PDCD1LG2: variants seen among roughly 807,000 people sequenced by gnomAD.
PDCD1LG2 encodes programmed cell death 1 ligand 2.
Under a neutral mutation model 28.2 loss-of-function variants are expected in PDCD1LG2, and 32 were observed. The observed-to-expected ratio is 1.13, with a 90% confidence interval of 0.86 to 1.52. The LOEUF is 1.52. Among genes scored for constraint, PDCD1LG2 ranks in the 40% most tolerant of loss-of-function variants. The probability of loss-of-function intolerance (pLI) is 0.00; values close to 1 mark genes in which losing one functional copy is unlikely to be tolerated. For missense variants in PDCD1LG2, 385 were observed against 323.8 expected (o/e 1.19, Z -1.45); for synonymous variants, 116 against 120.2 (o/e 0.97, Z 0.23).
chr9:5,556,605 G>A (rs1816447230), intron 4 of PDCD1LG2, among the ~76,000 whole-genome samples: 1 of 152,156 alleles, frequency 6.6e-6, no homozygotes, highest in Non-Finnish European at 1.5e-5. Flanking sequence ...AACAATCCGT[G>A]GTTCTCAGAT....
At chr9:5,521,032 C>T (rs940292198) in intron 1 of PDCD1LG2, among the ~76,000 whole-genome samples, 2 of 152,050 alleles carry the variant, frequency 1.3e-5, no homozygotes, top group Non-Finnish European at 2.9e-5. Flanking sequence ...TATTTAGTCA[C>T]AAAAAGGAAC....
At chr9:5,538,508 A>G (rs1354395430) in intron 3 of PDCD1LG2, among the ~76,000 whole-genome samples, 1 of 151,254 alleles carries the variant, frequency 6.6e-6, no homozygotes, top group Non-Finnish European at 1.5e-5. Context: ...ACATGGTGAA[A>G]CCCTGTCTCT....
intron 6 of PDCD1LG2, among the ~76,000 whole-genome samples, chr9:5,564,169 T>C (rs548299327): frequency 2.6e-5 from 4 of 152,220 alleles, no homozygotes; most frequent in East Asian, 3.8e-4. Flanking sequence ...TATTTGGTCA[T>C]TGGAGTTGTC....
At position 5,534,858 on chromosome 9, in the gene PDCD1LG2, G is replaced by C. The variant is rs752625312; in HGVS notation, c.169G>C (p.Ala57Pro). ...TCATGTGAACCTTGGAGCAATAACA[G>C]CCAGTTTGCAAAAGGTGGAAAATGA... ...GSHVNLGAIT[A>P]SLQKVENDTS... Residue 57 changes from alanine (A) to proline (P), a missense_variant, in exon 3 of 7, where the codon GCC becomes CCC. Physicochemically the swap from Ala to Pro is conservative, Grantham distance 27. Coordinates refer to ENST00000397747, the MANE Select transcript of PDCD1LG2 (RefSeq NM_025239.4). 1.8e-5 allele frequency: 29 copies of C among 1,614,054 alleles called. No homozygotes were observed. The highest frequency in any genetic ancestry group is 2.4e-5 in the Non-Finnish European group (28 of 1,180,042).
intron 1 of PDCD1LG2, among the ~76,000 whole-genome samples, chr9:5,517,176 T>A (rs1820183006): frequency 1.3e-5 from 2 of 152,178 alleles, no homozygotes. Flanking sequence ...TAAGGATTGT[T>A]GGGAATGCTG....
At chr9:5,532,908 T>C (rs2129782292) in intron 2 of PDCD1LG2, among the ~76,000 whole-genome samples, 1 of 152,184 alleles carries the variant, frequency 6.6e-6, no homozygotes, top group African/African-American at 2.4e-5. Context: ...TACTGAGAGG[T>C]AGAGTTCAAC....
At chr9:5,541,205 A>T (rs1449860382) in intron 3 of PDCD1LG2, among the ~76,000 whole-genome samples, 2 of 152,234 alleles carry the variant, frequency 1.3e-5, no homozygotes, top group East Asian at 3.8e-4. Context: ...CACAGAAGGA[A>T]CATATCTTAA....
chr9:5,563,455 C>T (rs1444310095), intron 6 of PDCD1LG2, among the ~76,000 whole-genome samples: 1 of 152,146 alleles, frequency 6.6e-6, no homozygotes, highest in Non-Finnish European at 1.5e-5. Flanking sequence ...TCTGGTCTCA[C>T]ATAGTTAGAA....
rs1156968584 is a variant in PDCD1LG2 at position 5,555,495 on chromosome 9, T to C, written c.632-2123T>C. 1.2e-4 allele frequency among the ~76,000 whole-genome samples: 19 copies of C among 152,154 alleles called. 1 individual carries two copies. The highest frequency in any genetic ancestry group is 1.2e-3 in the Admixed American group (19 of 15,272). On this transcript the variant is annotated intron_variant, in intron 4 of 6. Transcript: ENST00000397747. ...AATTTTAAAACAACTTAGAGGAATA[T>C]GTATGAGGATACAGGCTAAGCTACC... is the stretch of plus-strand genomic sequence containing the variant.
chr9:5,538,371 C>CTA (rs1022620339), intron 3 of PDCD1LG2, among the ~76,000 whole-genome samples: 32 of 151,162 alleles, frequency 2.1e-4, no homozygotes, highest in East Asian at 1.2e-3. Flanking sequence ...CTATATTGTA[C>CTA]TATATATATA....
chr9:5,537,994 GATAATCA>G (rs1480249121), intron 3 of PDCD1LG2, among the ~76,000 whole-genome samples: 2 of 152,042 alleles, frequency 1.3e-5, no homozygotes, highest in Non-Finnish European at 2.9e-5. Flanking sequence ...GACATATAAC[GATAATCA>G]ATACAAAATC....
chr9:5,542,928 C>T (rs1473463076), intron 3 of PDCD1LG2, among the ~76,000 whole-genome samples: 1 of 152,008 alleles, frequency 6.6e-6, no homozygotes, highest in African/African-American at 2.4e-5. Context: ...ATGGAACCAG[C>T]CCAAATGCCC....
At chr9:5,568,435 T>C (rs1052342590) in intron 6 of PDCD1LG2, among the ~76,000 whole-genome samples, 1 of 152,118 alleles carries the variant, frequency 6.6e-6, no homozygotes, top group Non-Finnish European at 1.5e-5. Flanking sequence ...GTGCTCCTTA[T>C]GAAAATCTAA....
At chr9:5,556,802 C>G (rs1009388690) in intron 4 of PDCD1LG2, among the ~76,000 whole-genome samples, 2 of 152,114 alleles carry the variant, frequency 1.3e-5, no homozygotes, top group Non-Finnish European at 2.9e-5. Flanking sequence ...CTTTCATTTC[C>G]CTGTAGGTGA....
At chr9:5,528,599 C>A (rs12347520) in intron 2 of PDCD1LG2, among the ~76,000 whole-genome samples, 1 of 152,140 alleles carries the variant, frequency 6.6e-6, no homozygotes, top group Non-Finnish European at 1.5e-5. Context: ...GCCACTGCAC[C>A]TGGCCTTAGT....
chr9:5,543,437 G>A (rs1463607946), intron 3 of PDCD1LG2, among the ~76,000 whole-genome samples: 2 of 151,882 alleles, frequency 1.3e-5, no homozygotes, highest in East Asian at 3.9e-4. Flanking sequence ...TACTCGGGAG[G>A]CTGAGGCAGG....
Position 5,534,820 on chromosome 9 carries a change from T to C in PDCD1LG2, c.131T>C (p.Phe44Ser), listed in dbSNP as rs1225683165. 18 of 1,614,152 alleles carry C rather than the reference T, an allele frequency of 1.1e-5. No individual in the cohort carries two copies. In the East Asian group the frequency reaches 4.0e-4, roughly 36 times the overall value. ...HGSNVTLECN[F>S]DTGSHVNLGA... is the part of the protein sequence containing the mutation. Reference sequence around the variant, plus strand: ...AGCAATGTGACCCTGGAATGCAACTTTGACACTGGAAGTCATGTGAACCTT... The same window carrying C: ...AGCAATGTGACCCTGGAATGCAACTCTGACACTGGAAGTCATGTGAACCTT... Residue 44 changes from phenylalanine to serine, a missense_variant, in exon 3 of 7, where the codon TTT (phenylalanine) becomes TCT (serine). Transcript: ENST00000397747.
At chr9:5,534,341 A>C (rs1820537810) in intron 2 of PDCD1LG2, among the ~76,000 whole-genome samples, 1 of 152,208 alleles carries the variant, frequency 6.6e-6, no homozygotes, top group Admixed American at 6.5e-5. Context: ...TCAGACCTTG[A>C]TGGTAGGGAA....
At chr9:5,547,472 G>A (rs943575294) in intron 3 of PDCD1LG2, among the ~76,000 whole-genome samples, 32 of 152,010 alleles carry the variant, frequency 2.1e-4, no homozygotes, top group African/African-American at 7.7e-4. Flanking sequence ...CCACTGGAAG[G>A]TTTGTTCTTG....
Sources: allele counts gnomAD v4.1 joint callset (sites outside exome capture counted in the v4.1 genomes callset), GRCh38; gene constraint gnomAD v4.1.1; transcripts MANE v1.5; gene names NCBI Gene and HGNC (gene_info 2026-07-23, HGNC 2026-07-21).